TMEM267: variants seen among roughly 807,000 people sequenced by gnomAD.
TMEM267 encodes transmembrane protein C5orf28.
Under a neutral mutation model 19.3 loss-of-function variants are expected in TMEM267, and 20 were observed. The ratio of observed to expected loss-of-function variants is 1.04; its 90% confidence interval spans 0.73 to 1.51. TMEM267 has a LOEUF of 1.51. Among genes scored for constraint, TMEM267 ranks in the 40% most tolerant of loss-of-function variants. The probability of loss-of-function intolerance (pLI) is 0.00; values close to 1 mark genes in which losing one functional copy is unlikely to be tolerated. For missense variants in TMEM267, 242 were observed against 261.9 expected, an observed-to-expected ratio of 0.92 and a Z score of 0.52; for synonymous variants, 88 against 90.3, an observed-to-expected ratio of 0.97 and a Z score of 0.15.
intron 1 of TMEM267, among the ~76,000 whole-genome samples, chr5:43,474,937 A>G (rs1225552997): frequency 1.3e-5 from 2 of 152,120 alleles, no homozygotes; most frequent in Non-Finnish European, 2.9e-5. Flanking sequence ...TGGGAGTGTA[A>G]ATTAGTTCAA....
At chr5:43,464,437 C>T (rs189527228) in intron 1 of TMEM267, among the ~76,000 whole-genome samples, 2 of 152,266 alleles carry the variant, frequency 1.3e-5, no homozygotes, top group East Asian at 3.9e-4. Flanking sequence ...ACTTTCTTCA[C>T]AGAATTGGAA....
chr5:43,479,971 A>G, intron 1 of TMEM267: 1 of 397,684 alleles, frequency 2.5e-6, no homozygotes, highest in Non-Finnish European at 4.9e-6. Context: ...CTCCTTTAGA[A>G]AACAAACATT....
chr5:43,473,320 C>T (rs2112178503), intron 1 of TMEM267, among the ~76,000 whole-genome samples: 1 of 152,122 alleles, frequency 6.6e-6, no homozygotes, highest in South Asian at 2.1e-4. Flanking sequence ...CAAATTGTCT[C>T]TGTTTGCAGA....
Position 43,480,494 on chromosome 5 carries a change from CT to C in TMEM267, c.-75+3327del, listed in dbSNP as rs879658658. On this transcript the variant is annotated intron_variant, in intron 1 of 2. Coordinates refer to ENST00000397080, the MANE Select transcript of TMEM267 (RefSeq NM_022483.5). ...AAGCTTGGGCAATTTTTTCTTTTTT[CT>C]TTTTTTTTTAAGAGACAGGGTCCCT... Among the ~76,000 whole-genome samples, 281 of 146,474 alleles carry C rather than the reference CT, an allele frequency of 1.9e-3. 3 individuals carry two copies. Among genetic ancestry groups the C allele is most frequent in the Non-Finnish European group, 2.9e-3 (189 of 65,992 alleles).
At chr5:43,481,823 T>C (rs1744792390) in intron 1 of TMEM267, among the ~76,000 whole-genome samples, 1 of 151,970 alleles carries the variant, frequency 6.6e-6, no homozygotes, top group Admixed American at 6.6e-5. Context: ...AAGAATAAAA[T>C]TATTGTCTAC....
intron 1 of TMEM267, among the ~76,000 whole-genome samples, chr5:43,472,581 G>A (rs1050189342): frequency 6.6e-6 from 1 of 152,098 alleles, no homozygotes; most frequent in Non-Finnish European, 1.5e-5. Context: ...AAAATATGGT[G>A]CATATTCACA....
chr5:43,480,431 A>G (rs1300026668), intron 1 of TMEM267, among the ~76,000 whole-genome samples: 1 of 151,980 alleles, frequency 6.6e-6, no homozygotes, highest in Non-Finnish European at 1.5e-5. Context: ...CTCCTGACTC[A>G]GTCTCCTGAG....
intron 1 of TMEM267, among the ~76,000 whole-genome samples, chr5:43,470,131 A>G (rs987086553): frequency 4.6e-5 from 7 of 152,232 alleles, no homozygotes; most frequent in African/African-American, 1.4e-4. Flanking sequence ...AGGAATCAAC[A>G]TACATCTTTT....
intron 2 of TMEM267, among the ~76,000 whole-genome samples, chr5:43,449,860 A>T (rs185313798): frequency 1.5e-4 from 23 of 152,316 alleles, no homozygotes; most frequent in Middle Eastern, 3.4e-3. Context: ...TATGCTCTGG[A>T]TATGTTTACA....
chr5:43,453,797 C>A lies in TMEM267; in HGVS notation c.173G>T (p.Cys58Phe). The change falls in exon 2 of 3, where the codon TGT becomes TTT. Residue 58 changes from cysteine (C) to phenylalanine (F), a missense_variant. By Grantham distance (205) the Cys-to-Phe change is radical. Coordinates refer to ENST00000397080, the MANE Select transcript of TMEM267 (RefSeq NM_022483.5). ...LRALSDNAVH[C>F]VIGMWSWAVV... ...CGCCCATGACCACATGCCAATTACA[C>A]AATGTACTGCATTATCTGAGAGAGC... 3.1e-6 allele frequency: 5 copies of A among 1,614,108 alleles called. No homozygotes were observed. The highest frequency in any genetic ancestry group is 4.2e-6 in the Non-Finnish European group (5 of 1,180,016).
intron 1 of TMEM267, among the ~76,000 whole-genome samples, chr5:43,471,192 T>C (rs1031949189): frequency 1.3e-5 from 2 of 152,018 alleles, no homozygotes; most frequent in African/African-American, 4.8e-5. Context: ...ATTCCACTTA[T>C]AATAGCCACA....
intron 2 of TMEM267, among the ~76,000 whole-genome samples, chr5:43,452,585 TAAA>T (rs35189144): frequency 8.1e-6 from 1 of 123,894 alleles, no homozygotes; most frequent in Non-Finnish European, 1.8e-5. Context: ...CCTAAATCCA[TAAA>T]AAAAAAAAAA....
rs1360246742 is a variant in TMEM267, at chr5:43,444,314, C to T, written c.*1908G>A. On this transcript the variant is annotated 3_prime_UTR_variant, in exon 3 of 3. Coordinates refer to ENST00000397080, the MANE Select transcript of TMEM267 (RefSeq NM_022483.5). ...ATTTTTTAAGACAGTCTCCCTCTGT[C>T]ACACAGGCTGCAGTGCAGTGGCCCC... The T allele has an allele frequency of 6.6e-6, 1 of 152,186 alleles. No individual in the cohort carries two copies. The highest frequency in any genetic ancestry group is 1.5e-5 in the Non-Finnish European group (1 of 68,032). 9.4% of individuals were successfully genotyped at this position (152,186 alleles called of 1,614,324 possible).
intron 1 of TMEM267, among the ~76,000 whole-genome samples, chr5:43,475,513 T>C (rs1271879978): frequency 1.3e-5 from 2 of 152,068 alleles, no homozygotes; most frequent in Non-Finnish European, 2.9e-5. Flanking sequence ...ACCCCAGAAC[T>C]TAAAGTATAA....
intron 1 of TMEM267, among the ~76,000 whole-genome samples, chr5:43,463,728 G>C (rs187869966): frequency 6.6e-6 from 1 of 152,300 alleles, no homozygotes; most frequent in East Asian, 1.9e-4. Flanking sequence ...AACAGATGCA[G>C]AAAAGGCCTT....
chr5:43,484,378 G>A (rs537779094), upstream of TMEM267: 32 of 152,400 alleles, frequency 2.1e-4, no homozygotes, highest in African/African-American at 7.5e-4. Context: ...CTGAGGGACC[G>A]GGCGACCTGG....
intron 2 of TMEM267, among the ~76,000 whole-genome samples, chr5:43,450,609 G>C (rs1439869189): frequency 6.6e-6 from 1 of 152,186 alleles, no homozygotes; most frequent in African/African-American, 2.4e-5. Flanking sequence ...ATACTGTGCA[G>C]TTAATGAGTG....
chr5:43,470,530 G>A (rs1744002820), intron 1 of TMEM267, among the ~76,000 whole-genome samples: 1 of 152,198 alleles, frequency 6.6e-6, no homozygotes. Flanking sequence ...TTGGGCACAT[G>A]TCATCAGAGC....
At chr5:43,479,375 G>A (rs1010357294) in intron 1 of TMEM267, among the ~76,000 whole-genome samples, 2 of 151,596 alleles carry the variant, frequency 1.3e-5, no homozygotes, top group South Asian at 4.2e-4. Context: ...GAAAAATTTC[G>A]ATGTCTTACT....
Sources: allele counts gnomAD v4.1 joint callset (sites outside exome capture counted in the v4.1 genomes callset), GRCh38; gene constraint gnomAD v4.1.1; transcripts MANE v1.5; gene names NCBI Gene and HGNC (gene_info 2026-07-23, HGNC 2026-07-21).